Variants in RELCH observed in about 807,000 individuals in gnomAD.
The protein encoded by RELCH is RAB11-binding protein RELCH.
A neutral mutation model predicts 150.3 loss-of-function variants in RELCH; 41 were observed. The observed-to-expected ratio is 0.27, with a 90% CI of 0.21 to 0.35. RELCH has a LOEUF of 0.35. RELCH is among the 10% of genes least tolerant of loss of function. The probability of loss-of-function intolerance (pLI) is 1.00; values close to 1 mark genes in which losing one functional copy is unlikely to be tolerated. For missense variants in RELCH, 1,092 were observed against 1,467.8 expected (o/e 0.74, Z 4.18); for synonymous variants, 478 against 531.8 (o/e 0.90, Z 1.39).
chr18:62,284,615 G>C (rs1193683243), intron 25 of RELCH, among the ~76,000 whole-genome samples: 2 of 152,098 alleles, frequency 1.3e-5, no homozygotes, highest in South Asian at 2.1e-4. Flanking sequence ...TATTGAAGTA[G>C]AACCTGTATG....
intron 28 of RELCH, among the ~76,000 whole-genome samples, chr18:62,301,393 C>T (rs77240504): frequency 0.032 from 4,855 of 152,298 alleles, 251 homozygotes; most frequent in African/African-American, 0.11. Context: ...GGAGACCATA[C>T]AATCTCTGTC....
At position 62,261,597 on chromosome 18, in the gene RELCH, G is replaced by A; in HGVS notation, c.2289G>A (p.Val763=). The part of the protein sequence containing the change: ...QSLIPSLFAL[V]LQNAPFSSKA... ...TGATCCCATCTCTCTTTGCATTAGT[G>A]CTACAGAATGCACCTTTCTCCAGCA... is the stretch of plus-strand genomic sequence containing the variant. Residue 763 remains valine, a synonymous_variant, in exon 16 of 29, where the codon GTG becomes GTA. Coordinates refer to ENST00000644646, the MANE Select transcript of RELCH (RefSeq NM_001346231.2). 1 of 1,611,380 alleles carries A rather than the reference G, an allele frequency of 6.2e-7. No individual in the cohort carries two copies. Among genetic ancestry groups the A allele is most frequent in the Non-Finnish European group, 8.5e-7 (1 of 1,178,294 alleles).
chr18:62,219,422 A>G (rs1341956161), intron 2 of RELCH, among the ~76,000 whole-genome samples: 3 of 149,070 alleles, frequency 2.0e-5, no homozygotes, highest in Admixed American at 6.7e-5. Context: ...AGTGATATCA[A>G]AAGCATGATA....
intron 27 of RELCH, among the ~76,000 whole-genome samples, chr18:62,296,627 T>C (rs944074743): frequency 6.6e-6 from 1 of 152,160 alleles, no homozygotes; most frequent in Non-Finnish European, 1.5e-5. Flanking sequence ...CTACTTCCCC[T>C]TTTAGTTCTT....
chr18:62,280,147 C>G (rs1357783569), intron 23 of RELCH, among the ~76,000 whole-genome samples: 1 of 152,086 alleles, frequency 6.6e-6, no homozygotes, highest in Non-Finnish European at 1.5e-5. Flanking sequence ...CTGTTTCTTT[C>G]AAGCCAAGAA....
intron 25 of RELCH, among the ~76,000 whole-genome samples, chr18:62,285,298 C>T (rs11873270): frequency 1.4e-4 from 22 of 152,184 alleles, no homozygotes; most frequent in South Asian, 2.1e-4. Flanking sequence ...CCACCACATC[C>T]GGCTAATTTT....
intron 10 of RELCH, among the ~76,000 whole-genome samples, chr18:62,233,047 A>G (rs1172474011): frequency 6.6e-6 from 1 of 151,852 alleles, no homozygotes; most frequent in Non-Finnish European, 1.5e-5. Flanking sequence ...ACATTTGCAA[A>G]TATATTTGAC....
In RELCH at chr18:62,228,388, A is replaced by G. The variant is rs774346258; in HGVS notation, c.1238A>G (p.His413Arg). The G allele has an allele frequency of 6.2e-7, 1 of 1,613,182 alleles. No homozygotes were observed. Among genetic ancestry groups the G allele is most frequent in the African/African-American group, 1.3e-5 (1 of 74,836 alleles). ...CAGCCTCCTTTGGATCAGTTGCCCCACAAAGACTCTGAGGACAGTGGACAG... is the reference window on the plus strand; with the variant it reads ...CAGCCTCCTTTGGATCAGTTGCCCCGCAAAGACTCTGAGGACAGTGGACAG... ...SVQPPLDQLPHKDSEDSGQHP... is the reference protein window; with the variant it reads ...SVQPPLDQLPRKDSEDSGQHP... Residue 413 changes from histidine (H) to arginine (R), a missense_variant, in exon 8 of 29, where the codon CAC becomes CGC. His to Arg is a conservative substitution (Grantham distance 29). This residue lies in a region of RELCH where 707 missense variants were observed against 1,025.4 expected (regional missense o/e 0.69). Coordinates refer to ENST00000644646, the MANE Select transcript of RELCH (RefSeq NM_001346231.2).
At chr18:62,201,148 T>C (rs1352914613) in intron 1 of RELCH, among the ~76,000 whole-genome samples, 2 of 151,804 alleles carry the variant, frequency 1.3e-5, no homozygotes, top group Non-Finnish European at 2.9e-5. Context: ...TAATTTTTTG[T>C]ATTTTTATTA....
chr18:62,275,625 T>C (rs764775201), intron 22 of RELCH, 152 bp downstream of exon 22: 2 of 491,770 alleles, frequency 4.1e-6, no homozygotes, highest in Non-Finnish European at 3.6e-6. Context: ...TTGTGTACTG[T>C]GTGATGGGGC....
rs758846296 is a variant in RELCH, at chr18:62,228,468, A to G, written c.1318A>G (p.Ile440Val). 3 of 1,613,388 alleles carry G rather than the reference A, an allele frequency of 1.9e-6. No individual in the cohort carries two copies. The Admixed American group carries it at 5.0e-5, about 27-fold the overall frequency. ...AAAAAACACAGACATCCATCTTTCA[A>G]TATCAGATGAAGCTGATTCCACTAT... ...KGKNTDIHLS[I>V]SDEADSTIPK... Residue 440 changes from isoleucine (I) to valine (V), a missense_variant, in exon 8 of 29, where the codon ATA (isoleucine) becomes GTA (valine). Physicochemically the swap from Ile to Val is conservative, Grantham distance 29. This residue lies in a region of RELCH where 707 missense variants were observed against 1,025.4 expected (regional missense o/e 0.69). Coordinates refer to ENST00000644646, the MANE Select transcript of RELCH (RefSeq NM_001346231.2).
At chr18:62,247,567 A>G (rs1396438563) in intron 11 of RELCH, among the ~76,000 whole-genome samples, 3 of 150,118 alleles carry the variant, frequency 2.0e-5, no homozygotes, top group Admixed American at 1.3e-4. Flanking sequence ...TTCCTGAGAC[A>G]GGGTCTCACT....
intron 16 of RELCH, among the ~76,000 whole-genome samples, chr18:62,262,905 C>G (rs371994041): frequency 6.6e-6 from 1 of 151,894 alleles, no homozygotes; most frequent in Non-Finnish European, 1.5e-5. Context: ...AGGGAAACTG[C>G]GAGGTAAAGG....
chr18:62,214,893 C>G (rs879117095), intron 2 of RELCH, among the ~76,000 whole-genome samples: 10 of 152,182 alleles, frequency 6.6e-5, no homozygotes, highest in Admixed American at 4.6e-4. Context: ...TACTCTACCC[C>G]CCTAGAACTC....
chr18:62,209,237 A>G (rs1587998), intron 1 of RELCH, among the ~76,000 whole-genome samples: 111,473 of 152,082 alleles, frequency 0.73, 41,123 homozygotes, highest in East Asian at 0.91. Flanking sequence ...ACCCAAGGCC[A>G]TGATGATTTG....
At chr18:62,251,765 G>GTGTC (rs1286952734) in intron 11 of RELCH, among the ~76,000 whole-genome samples, 4 of 152,134 alleles carry the variant, frequency 2.6e-5, no homozygotes, top group African/African-American at 9.7e-5. Flanking sequence ...GGTTGTTTTA[G>GTGTC]TGTCTAGAAA....
intron 1 of RELCH, among the ~76,000 whole-genome samples, chr18:62,193,111 A>G (rs2038770508): frequency 1.3e-5 from 2 of 151,922 alleles, no homozygotes; most frequent in South Asian, 4.1e-4. Flanking sequence ...GTTCCTAGGT[A>G]TTTTATTCTC....
In RELCH at chr18:62,305,271, A is replaced by G. The variant is rs567289103; in HGVS notation, c.3531-143A>G. 4.6e-5 allele frequency: 28 copies of G among 613,822 alleles called. No individual in the cohort carries two copies. Among genetic ancestry groups the G allele is most frequent in the African/African-American group, 7.5e-5 (4 of 53,208 alleles). The allele number at this position is 613,822 out of a possible 1,614,324, so 38.0% of individuals were successfully genotyped here. On this transcript the variant is annotated intron_variant, in intron 28 of 28. Transcript: ENST00000644646. This position sits in a 1 kb window ranked among gnomAD's most constrained non-coding sequence, Gnocchi z 4.0. ...ATGAAAGCTCCTAACCTAGTATGGC[A>G]TATACAAACTACCCTCCATAAATAT...
intron 1 of RELCH, among the ~76,000 whole-genome samples, chr18:62,194,849 G>C (rs1568293662): frequency 1.3e-5 from 2 of 152,196 alleles, no homozygotes; most frequent in East Asian, 3.9e-4. Context: ...GAATACTTCA[G>C]AACAATAAAT....
Sources: gnomAD v4.1 joint callset for allele counts (sites outside exome capture counted in the v4.1 genomes callset) on GRCh38, gnomAD v4.1.1 for gene constraint, gnomAD v4.1.1 regional missense constraint, Gnocchi (gnomAD v3.1) non-coding constraint, MANE v1.5 for transcripts, NCBI Gene and HGNC (gene_info 2026-07-23, HGNC 2026-07-21) for gene names.